The following ATP10B variants were observed in gnomAD, a reference collection of about 807,000 sequenced individuals.
ATP10B encodes ATPase phospholipid transporting 10B (putative), also known as phospholipid-transporting ATPase VB.
In ATP10B, 122 loss-of-function variants were observed where a neutral mutation model predicts 141.2. The ratio of observed to expected loss-of-function variants is 0.86; its 90% CI spans 0.75 to 1.00. The LOEUF is 1.00. Ranked by LOEUF, ATP10B falls within the 50% of genes least tolerant of loss-of-function variation. The pLI, the probability that ATP10B is intolerant of heterozygous loss-of-function variation, is 0.00. For synonymous variants in ATP10B, 685 were observed against 692.0 expected, an observed-to-expected ratio of 0.99 and a Z score of 0.16; for missense variants, 1,876 against 1,825.3, an observed-to-expected ratio of 1.03 and a Z score of -0.51.
chr5:160,652,818 ATATT>A lies in ATP10B; in HGVS notation c.676-3566_676-3563del, dbSNP rs1299633130. 8.7e-5 allele frequency among the ~76,000 whole-genome samples: 9 copies of A among 103,916 alleles called. 1 individual carries two copies. Among genetic ancestry groups the A allele is most frequent in the African/African-American group, 3.8e-4 (9 of 23,926 alleles). 68.2% of individuals were successfully genotyped at this position (103,916 alleles called of 152,430 possible). ...TATAATATATTATATAATATATTAT[ATATT>A]AATTATATATAATATATATTATAAA... On this transcript the variant is annotated intron_variant, in intron 7 of 25. Coordinates refer to ENST00000327245, the MANE Select transcript of ATP10B (RefSeq NM_025153.3).
At chr5:160,620,262 A>G in intron 15 of ATP10B, 85 bp downstream of exon 15, 1 of 1,504,118 alleles carries the variant, frequency 6.6e-7, no homozygotes, top group Non-Finnish European at 8.9e-7. Flanking sequence ...GTGACACTAC[A>G]ACTTGAGCTT....
chr5:160,832,154 G>T (rs1775126814), intron 1 of ATP10B, among the ~76,000 whole-genome samples: 1 of 152,090 alleles, frequency 6.6e-6, no homozygotes, highest in African/African-American at 2.4e-5. Context: ...AGATCACATT[G>T]TGTTTATTAT....
chr5:160,868,753 T>C, the ATP10B span, among the ~76,000 whole-genome samples: 2 of 152,122 alleles, frequency 1.3e-5, no homozygotes, highest in Admixed American at 1.3e-4. Context: ...ACATTAGACA[T>C]GACTAACTTT....
At chr5:160,886,551 G>A in the ATP10B span, among the ~76,000 whole-genome samples, 1,912 of 152,210 alleles carry the variant, frequency 0.013, 37 homozygotes, top group African/African-American at 0.044. Flanking sequence ...ACCCGGCAAG[G>A]TCATTTGGGT....
At chr5:160,817,602 C>T (rs1773746399) in intron 1 of ATP10B, among the ~76,000 whole-genome samples, 1 of 152,056 alleles carries the variant, frequency 6.6e-6, no homozygotes, top group Admixed American at 6.6e-5. Flanking sequence ...TTATGCCATC[C>T]CCATCAAGCT....
At chr5:160,768,769 T>C (rs1769668373) in intron 2 of ATP10B, among the ~76,000 whole-genome samples, 1 of 152,188 alleles carries the variant, frequency 6.6e-6, no homozygotes, top group Non-Finnish European at 1.5e-5. Context: ...TCCAGAAAGA[T>C]GCATTCAGGA....
At chr5:160,680,960 C>T (rs1454588760) in intron 6 of ATP10B, among the ~76,000 whole-genome samples, 1 of 152,166 alleles carries the variant, frequency 6.6e-6, no homozygotes, top group African/African-American at 2.4e-5. Flanking sequence ...CTGCTGCAGC[C>T]ATTTCGTTGC....
chr5:160,908,145 C>T, the ATP10B span, among the ~76,000 whole-genome samples: 1 of 152,116 alleles, frequency 6.6e-6, no homozygotes, highest in Non-Finnish European at 1.5e-5. Flanking sequence ...ATTTCTAGCT[C>T]ATTACACTAT....
At chr5:160,647,904 A>T (rs1760408245) in intron 8 of ATP10B, among the ~76,000 whole-genome samples, 1 of 152,070 alleles carries the variant, frequency 6.6e-6, no homozygotes, top group Non-Finnish European at 1.5e-5. Context: ...TCCTCATTAT[A>T]TCCCTCATGG....
At chr5:160,814,274 G>A (rs1184213621) in intron 1 of ATP10B, among the ~76,000 whole-genome samples, 1 of 152,176 alleles carries the variant, frequency 6.6e-6, no homozygotes, top group Non-Finnish European at 1.5e-5. Context: ...AATAACCAAT[G>A]CAGAGAAGTC....
chr5:160,914,392 G>A, the ATP10B span, among the ~76,000 whole-genome samples: 1 of 152,130 alleles, frequency 6.6e-6, no homozygotes. Flanking sequence ...CCGATTCCCT[G>A]TAGATACTAA....
At position 160,678,435 on chromosome 5, in the gene ATP10B, G is replaced by C. The variant is rs562915867; in HGVS notation, c.470+7644C>G. 3.3e-4 allele frequency among the ~76,000 whole-genome samples: 51 copies of C among 152,304 alleles called. No individual in the cohort carries two copies. In the South Asian group the frequency reaches 7.7e-3, roughly 23 times the overall value. Reference sequence around the variant, plus strand: ...GCACTTTGGGAGACCGAAGTGGGAGGACCACTTGAGGCCAGGAGTTTGAGA... The same window carrying C: ...GCACTTTGGGAGACCGAAGTGGGAGCACCACTTGAGGCCAGGAGTTTGAGA... On this transcript the variant is annotated intron_variant, in intron 6 of 25. Transcript: ENST00000327245.
chr5:160,821,961 C>G (rs994519777), intron 1 of ATP10B, among the ~76,000 whole-genome samples: 1 of 152,066 alleles, frequency 6.6e-6, no homozygotes, highest in African/African-American at 2.4e-5. Flanking sequence ...GCAAAGGTTT[C>G]TTGAATAATA....
intron 3 of ATP10B, among the ~76,000 whole-genome samples, chr5:160,706,937 G>T (rs1343932039): frequency 6.6e-6 from 1 of 150,384 alleles, no homozygotes. Context: ...CTGTTGGTTT[G>T]TTTTAATATT....
chr5:160,709,379 T>A (rs921909999), intron 3 of ATP10B, among the ~76,000 whole-genome samples: 1 of 151,884 alleles, frequency 6.6e-6, no homozygotes. Flanking sequence ...AATGGAAAAA[T>A]AAAAAATGAC....
At chr5:160,683,112 C>T (rs114413748) in intron 6 of ATP10B, among the ~76,000 whole-genome samples, 14 of 151,496 alleles carry the variant, frequency 9.2e-5, no homozygotes, top group African/African-American at 3.2e-4. Flanking sequence ...TCTCAAACAC[C>T]GCTTTTTCAA....
the ATP10B span, among the ~76,000 whole-genome samples, chr5:160,890,183 A>T: frequency 6.6e-6 from 1 of 152,248 alleles, no homozygotes; most frequent in Non-Finnish European, 1.5e-5. Flanking sequence ...CCTAATAAGT[A>T]ATCTAATAGA....
chr5:160,644,091 G>T, intron 9 of ATP10B, 47 bp downstream of exon 9: 1 of 1,493,712 alleles, frequency 6.7e-7, no homozygotes, highest in African/African-American at 1.4e-5. Context: ...TTTGGAGGGG[G>T]AAGGATAAAG....
intron 13 of ATP10B, among the ~76,000 whole-genome samples, chr5:160,630,130 T>C (rs1422704904): frequency 6.6e-6 from 1 of 152,230 alleles, no homozygotes; most frequent in African/African-American, 2.4e-5. Context: ...AAGAGTATAC[T>C]TAGCTGTTCA....
Sources: allele counts gnomAD v4.1 joint callset (sites outside exome capture counted in the v4.1 genomes callset), GRCh38; gene constraint gnomAD v4.1.1; transcripts MANE v1.5; gene names NCBI Gene and HGNC (gene_info 2026-07-23, HGNC 2026-07-21).